The following VPS13A variants were observed in gnomAD, a reference collection of about 807,000 sequenced individuals.
VPS13A encodes intermembrane lipid transfer protein VPS13A.
VPS13A carries 264 observed loss-of-function variants against 390.9 expected under a neutral mutation model. The ratio of observed to expected loss-of-function variants is 0.68; its 90% CI spans 0.61 to 0.75. VPS13A has a LOEUF of 0.75. Ranked by LOEUF, VPS13A falls within the 30% of genes least tolerant of loss-of-function variation. VPS13A has a pLI of 0.00. For missense variants in VPS13A, 3,409 were observed against 3,733.9 expected, an observed-to-expected ratio of 0.91 and a Z score of 2.27; for synonymous variants, 1,231 against 1,227.1, an observed-to-expected ratio of 1.00 and a Z score of -0.07.
At position 77,341,574 on chromosome 9, in the gene VPS13A, C is replaced by T. The variant is rs566498799; in HGVS notation, c.7026+1024C>T. ...ATTCTTCCGTTTTTTTCCATCTAAG[C>T]CGTTAAATCAGACATGTTGGACATT... On this transcript the variant is annotated intron_variant, in intron 50 of 71. Coordinates refer to ENST00000360280, the MANE Select transcript of VPS13A (RefSeq NM_033305.3). Among the ~76,000 whole-genome samples, 299 of 151,952 alleles carry T rather than the reference C, an allele frequency of 2.0e-3. 1 individual carries two copies. Among genetic ancestry groups the T allele is most frequent in the African/African-American group, 6.8e-3 (282 of 41,468 alleles).
chr9:77,202,262 T>C (rs1825373999), intron 3 of VPS13A, among the ~76,000 whole-genome samples: 1 of 152,128 alleles, frequency 6.6e-6, no homozygotes, highest in South Asian at 2.1e-4. Flanking sequence ...TCCCCACTCC[T>C]ACCTTTTAAA....
rs756369475 is a variant in VPS13A, at chr9:77,360,619, C to T, written c.8189C>T (p.Ala2730Val). The T allele has an allele frequency of 2.5e-6, 4 of 1,611,934 alleles. No homozygotes were observed. In the East Asian group the frequency reaches 9.0e-5, roughly 36 times the overall value. ...IYALTDLMTEAEVTENTEVEL... is the reference protein window; with the variant it reads ...IYALTDLMTEVEVTENTEVEL... ...GCTTTAACAGACCTTATGACAGAAG[C>T]TGAGGTGACTGAAAATACAGAGGTA... Residue 2730 changes from alanine (A) to valine (V), a missense_variant, in exon 59 of 72, where the codon GCT becomes GTT. Ala to Val is a moderately conservative substitution (Grantham distance 64). Transcript: ENST00000360280.
chr9:77,330,782 T>TA (rs58028752), intron 45 of VPS13A, among the ~76,000 whole-genome samples: 36 of 147,340 alleles, frequency 2.4e-4, no homozygotes, highest in South Asian at 1.7e-3. Context: ...TCCCTCAAAT[T>TA]AAAAAAAAAA....
chr9:77,230,016 C>T (rs542058586), intron 17 of VPS13A, among the ~76,000 whole-genome samples: 1 of 152,144 alleles, frequency 6.6e-6, no homozygotes, highest in South Asian at 2.1e-4. Flanking sequence ...TTCCTGATGG[C>T]TAAGGATTTT....
chr9:77,309,464 T>C (rs968513246), intron 35 of VPS13A, among the ~76,000 whole-genome samples: 1 of 152,214 alleles, frequency 6.6e-6, no homozygotes, highest in African/African-American at 2.4e-5. Context: ...CGTCGATGCC[T>C]GAAACTTTGG....
chr9:77,185,667 A>C (rs1167489559), intron 1 of VPS13A, among the ~76,000 whole-genome samples: 1 of 152,196 alleles, frequency 6.6e-6, no homozygotes, highest in East Asian at 1.9e-4. Context: ...CTTTTTAAAC[A>C]GTCTTCCCCT....
Position 77,316,351 on chromosome 9 carries a change from T to A in VPS13A, c.4808T>A (p.Leu1603His). 1 of 1,613,178 alleles carries A rather than the reference T, an allele frequency of 6.2e-7. No homozygotes were observed. Reference sequence around the variant, plus strand: ...ACAATGACTGCTGCCATTAAAGATCTCCAAGTGAGAGCCTGCCCGTTTCTT... The same window carrying A: ...ACAATGACTGCTGCCATTAAAGATCACCAAGTGAGAGCCTGCCCGTTTCTT... ...NSTMTAAIKD[L>H]QVRACPFLPV... The change falls in exon 39 of 72, where the codon CTC becomes CAC. Residue 1603 changes from leucine to histidine, a missense_variant. Transcript: ENST00000360280.
intron 1 of VPS13A, chr9:77,178,098 T>A (rs951518017): frequency 1.1e-5 from 4 of 358,904 alleles, no homozygotes; most frequent in Non-Finnish European, 2.1e-5. Context: ...GGCGTTCAAG[T>A]CCCGGCGAGG....
In VPS13A at chr9:77,237,983, T is replaced by C; in HGVS notation, c.1596-19T>C. 6.5e-7 allele frequency: 1 copy of C among 1,548,680 alleles called. No individual in the cohort carries two copies. Among genetic ancestry groups the C allele is most frequent in the South Asian group, 1.2e-5 (1 of 86,646 alleles). On this transcript the variant is annotated intron_variant, in intron 17 of 71. Transcript: ENST00000360280. ...CAATTTTACTGATCGCTGACTTTTTTCTTTTTTTTTTAATGCAGATTTGAA... is the reference window on the plus strand; with the variant it reads ...CAATTTTACTGATCGCTGACTTTTTCCTTTTTTTTTTAATGCAGATTTGAA...
At position 77,361,300 on chromosome 9, in the gene VPS13A, C is replaced by G. The variant is rs141985398; in HGVS notation, c.8211+659C>G. ...ATACACTTTGTGTCTTTAGGTTTGC[C>G]TATTCTGAATATTTCATACAAATAG... On this transcript the variant is annotated intron_variant, in intron 59 of 71. Transcript: ENST00000360280. 3.1e-4 allele frequency among the ~76,000 whole-genome samples: 47 copies of G among 152,204 alleles called. 1 individual carries two copies. In the East Asian group the frequency reaches 8.5e-3, roughly 27 times the overall value.
chr9:77,336,999 G>A lies in VPS13A; in HGVS notation c.6096-256G>A, dbSNP rs7023646. The stretch of plus-strand genomic sequence containing the variant: ...TTTTTAGTAGAGACGGGGTTTCACC[G>A]TCTTAGCCAGGATGGTCTCAATCTC... On this transcript the variant is annotated intron_variant, in intron 46 of 71. Transcript: ENST00000360280. Among the ~76,000 whole-genome samples, 3,329 of 151,464 alleles carry A rather than the reference G, an allele frequency of 0.022. 103 individuals carry two copies. Among genetic ancestry groups the A allele is most frequent in the East Asian group, 0.12 (601 of 5,128 alleles).
intron 48 of VPS13A, 31 bp downstream of exon 48, chr9:77,339,942 T>A (rs756060788): frequency 3.7e-6 from 6 of 1,601,614 alleles, no homozygotes; most frequent in Non-Finnish European, 5.1e-6. Flanking sequence ...TTTTCCCTTG[T>A]CTTTAGCTAC....
At chr9:77,181,968 G>A (rs1824045389) in intron 1 of VPS13A, among the ~76,000 whole-genome samples, 1 of 152,104 alleles carries the variant, frequency 6.6e-6, no homozygotes, top group Admixed American at 6.6e-5. Context: ...TGTTGGTAAG[G>A]TATACTTTTT....
intron 68 of VPS13A, among the ~76,000 whole-genome samples, chr9:77,399,176 A>T (rs1563990762): frequency 5.7e-4 from 51 of 88,854 alleles, no homozygotes; most frequent in Non-Finnish European, 8.3e-4. Flanking sequence ...ATAAAAAAAA[A>T]AAAATAAAAA....
Position 77,258,066 on chromosome 9 carries a change from T to C in VPS13A, c.2289-2020T>C, listed in dbSNP as rs1447454907. 2.0e-5 allele frequency among the ~76,000 whole-genome samples: 3 copies of C among 152,200 alleles called. No homozygotes were observed. In the East Asian group the frequency reaches 5.8e-4, roughly 29 times the overall value. On this transcript the variant is annotated intron_variant, in intron 22 of 71. Transcript: ENST00000360280. The stretch of plus-strand genomic sequence containing the variant: ...GAAGCTATGTGCCTGAGATCCTAAG[T>C]AGAGAAGTCTGTTGAACTAGACTGG...
chr9:77,370,207 A>G, intron 63 of VPS13A, 50 bp from the exon 64 acceptor site: 1 of 1,593,220 alleles, frequency 6.3e-7, no homozygotes, highest in Non-Finnish European at 8.6e-7. Flanking sequence ...GCTCATCTTT[A>G]AAAGTGAATA....
chr9:77,247,089 T>C (rs988823574), intron 19 of VPS13A, among the ~76,000 whole-genome samples, 170 bp from the exon 20 acceptor site: 1 of 152,180 alleles, frequency 6.6e-6, no homozygotes, highest in African/African-American at 2.4e-5. Flanking sequence ...TAGGAGTACA[T>C]GCATTGGCAG....
intron 1 of VPS13A, among the ~76,000 whole-genome samples, chr9:77,184,416 C>T (rs1031830975): frequency 2.3e-4 from 35 of 152,084 alleles, no homozygotes; most frequent in Admixed American, 4.6e-4. Flanking sequence ...GCCAGGAGTT[C>T]GAGCCCAGCC....
intron 13 of VPS13A, 85 bp downstream of exon 13, chr9:77,221,441 A>G: frequency 1.4e-6 from 2 of 1,457,780 alleles, no homozygotes; most frequent in Non-Finnish European, 1.9e-6. Context: ...CCTACCTTTC[A>G]TTCCAATTTT....
Sources: gnomAD v4.1 joint callset for allele counts (sites outside exome capture counted in the v4.1 genomes callset) on GRCh38, gnomAD v4.1.1 for gene constraint, MANE v1.5 for transcripts, NCBI Gene and HGNC (gene_info 2026-07-23, HGNC 2026-07-21) for gene names.